Variants in ROR1 observed in about 807,000 individuals in gnomAD.
ROR1 encodes the protein inactive tyrosine-protein kinase transmembrane receptor ROR1.
Under a neutral mutation model 78.8 loss-of-function variants are expected in ROR1, and 19 were observed. That is an observed-to-expected ratio of 0.24 (90% CI 0.17 to 0.35). The LOEUF (loss-of-function observed/expected upper bound fraction) is 0.35, where lower values mean the gene tolerates loss of function less well. ROR1 is among the 10% of genes least tolerant of loss of function. The pLI is 1.00. For synonymous variants in ROR1, 386 were observed against 433.6 expected, an observed-to-expected ratio of 0.89 and a Z score of 1.36; for missense variants, 917 against 1,177.8, an observed-to-expected ratio of 0.78 and a Z score of 3.24.
chr1:63,981,015 A>G (rs1391913542), intron 1 of ROR1, among the ~76,000 whole-genome samples: 1 of 152,156 alleles, frequency 6.6e-6, no homozygotes, highest in Non-Finnish European at 1.5e-5. Context: ...AATTACTGGA[A>G]GAAAAAATAT....
chr1:64,050,507 A>ATT (rs397973977), intron 3 of ROR1, among the ~76,000 whole-genome samples, 179 bp from the exon 4 acceptor site: 43 of 143,010 alleles, frequency 3.0e-4, no homozygotes, highest in East Asian at 2.0e-3. Flanking sequence ...TCTCACTGGT[A>ATT]TTTTTTTTTT....
Position 63,844,724 on chromosome 1 carries a change from GTA to G in ROR1, c.91+70217_91+70218del, listed in dbSNP as rs1165177179. On this transcript the variant is annotated intron_variant, in intron 1 of 8. Coordinates refer to ENST00000371079, the MANE Select transcript of ROR1 (RefSeq NM_005012.4). ...AGTTTGCTTGTTGAGTGTGGTGCAT[GTA>G]GTGAGGAAGCCTGTTTAAAGTTATC... is the stretch of plus-strand genomic sequence containing the variant. Among the ~76,000 whole-genome samples, 533 of 151,896 alleles carry G rather than the reference GTA, an allele frequency of 3.5e-3. 2 individuals carry two copies. Among genetic ancestry groups the G allele is most frequent in the African/African-American group, 0.012 (513 of 41,408 alleles).
chr1:64,146,578 G>T (rs1012430107), intron 7 of ROR1, among the ~76,000 whole-genome samples: 5 of 152,170 alleles, frequency 3.3e-5, no homozygotes, highest in Non-Finnish European at 5.9e-5. Flanking sequence ...TCCAACCAAT[G>T]CCTATCAGAA....
chr1:64,033,484 T>C (rs1271882894), intron 2 of ROR1, among the ~76,000 whole-genome samples: 1 of 152,186 alleles, frequency 6.6e-6, no homozygotes, highest in South Asian at 2.1e-4. Context: ...AAGTTCTAAG[T>C]TGATACTTAA....
intron 1 of ROR1, among the ~76,000 whole-genome samples, chr1:63,798,054 A>G (rs1026500616): frequency 1.3e-5 from 2 of 152,148 alleles, no homozygotes; most frequent in Admixed American, 1.3e-4. Flanking sequence ...CATTGAGCTG[A>G]GAAGCTATCT....
intron 7 of ROR1, chr1:64,142,937 G>T: frequency 8.3e-7 from 1 of 1,200,976 alleles, no homozygotes; most frequent in African/African-American, 1.5e-5. Context: ...TTATCACATT[G>T]ATTTTTATAG....
chr1:64,001,244 G>A (rs1291864825), intron 1 of ROR1, among the ~76,000 whole-genome samples: 2 of 152,172 alleles, frequency 1.3e-5, no homozygotes, highest in Non-Finnish European at 2.9e-5. Flanking sequence ...TTTTTAAAAG[G>A]TCACATACTA....
At chr1:63,965,228 A>G (rs374829032) in intron 1 of ROR1, among the ~76,000 whole-genome samples, 4 of 152,288 alleles carry the variant, frequency 2.6e-5, no homozygotes, top group South Asian at 2.1e-4. Context: ...ATCCAGCTCT[A>G]TATGACTCCA....
intron 1 of ROR1, among the ~76,000 whole-genome samples, chr1:63,852,098 A>G (rs1645117862): frequency 6.6e-6 from 1 of 152,258 alleles, no homozygotes; most frequent in South Asian, 2.1e-4. Flanking sequence ...AATGCCTACA[A>G]TATATTAAGC....
intron 2 of ROR1, among the ~76,000 whole-genome samples, chr1:64,047,533 G>A (rs987255664): frequency 6.6e-6 from 1 of 152,180 alleles, no homozygotes; most frequent in African/African-American, 2.4e-5. Flanking sequence ...GTCCAATGCA[G>A]TATTAATCAC....
intron 2 of ROR1, among the ~76,000 whole-genome samples, chr1:64,032,993 G>A (rs1646673766): frequency 6.6e-6 from 1 of 152,178 alleles, no homozygotes; most frequent in Non-Finnish European, 1.5e-5. Context: ...AGTCTTTAGT[G>A]GGCACGAGGT....
chr1:63,888,535 A>G (rs762906047), intron 1 of ROR1, among the ~76,000 whole-genome samples: 2 of 151,998 alleles, frequency 1.3e-5, no homozygotes, highest in Non-Finnish European at 2.9e-5. Context: ...AGACAGGAGG[A>G]TCAGTTGAGC....
At chr1:64,135,627 A>G (rs1262741199) in intron 4 of ROR1, among the ~76,000 whole-genome samples, 1 of 152,178 alleles carries the variant, frequency 6.6e-6, no homozygotes, top group Non-Finnish European at 1.5e-5. Flanking sequence ...ACCCAATAAA[A>G]GTTGGGTTAA....
rs1646395879 is a variant in ROR1, at chr1:64,002,798, AC to A, written c.92-6506del. On this transcript the variant is annotated intron_variant, in intron 1 of 8. Coordinates refer to ENST00000371079, the MANE Select transcript of ROR1 (RefSeq NM_005012.4). ...CTTTGGGGATTTTAGAATTGGTGAA[AC>A]AAACATTGATCGTTGAGGAGCTTGG... is the stretch of plus-strand genomic sequence containing the variant. 3.3e-5 allele frequency among the ~76,000 whole-genome samples: 5 copies of A among 152,310 alleles called. No individual in the cohort carries two copies. In the South Asian group the frequency reaches 1.0e-3, roughly 32 times the overall value.
intron 1 of ROR1, among the ~76,000 whole-genome samples, chr1:64,002,650 T>C (rs1364432664): frequency 6.6e-6 from 1 of 152,128 alleles, no homozygotes; most frequent in African/African-American, 2.4e-5. Context: ...AAGAACTGCA[T>C]GTGGTCTATA....
At chr1:64,094,957 C>T (rs1647260261) in intron 4 of ROR1, 1 of 152,190 alleles carries the variant, frequency 6.6e-6, no homozygotes, top group East Asian at 1.9e-4. Context: ...ATCATCAAAT[C>T]GGATGGCCTG....
Position 64,117,915 on chromosome 1 carries a change from C to T in ROR1, c.483-19454C>T, listed in dbSNP as rs1648373874. Among the ~76,000 whole-genome samples the T allele has an allele frequency of 2.0e-5, 3 of 152,234 alleles. No individual in the cohort carries two copies. The South Asian group carries it at 6.2e-4, about 31-fold the overall frequency. On this transcript the variant is annotated intron_variant, in intron 4 of 8. Coordinates refer to ENST00000371079, the MANE Select transcript of ROR1 (RefSeq NM_005012.4). ...TTTGTCTTCATACAAATAATTAAAA[C>T]AGGGACTGGGTACCTTGGCCCATGC...
chr1:64,106,361 T>A (rs1170303309), intron 4 of ROR1: 2 of 152,122 alleles, frequency 1.3e-5, no homozygotes, highest in African/African-American at 4.8e-5. Context: ...GTTTTTGGGG[T>A]GAGATGATGG....
At chr1:64,041,275 T>TC (rs1334141462) in intron 2 of ROR1, among the ~76,000 whole-genome samples, 1 of 152,152 alleles carries the variant, frequency 6.6e-6, no homozygotes, top group Non-Finnish European at 1.5e-5. Context: ...TATATGTTTT[T>TC]CCCTTCTTCT....
Sources: allele counts gnomAD v4.1 joint callset (sites outside exome capture counted in the v4.1 genomes callset), GRCh38; gene constraint gnomAD v4.1.1; transcripts MANE v1.5; gene names NCBI Gene and HGNC (gene_info 2026-07-23, HGNC 2026-07-21).